The following TENM4 variants were observed in gnomAD, a reference collection of about 807,000 sequenced individuals.
TENM4 encodes the protein teneurin-4.
TENM4 carries 82 observed loss-of-function variants against 243.3 expected under a neutral mutation model. The observed-to-expected ratio is 0.34, with a 90% confidence interval of 0.28 to 0.40. TENM4 has a LOEUF of 0.40. Ranked by LOEUF, TENM4 falls within the 10% of genes least tolerant of loss-of-function variation. TENM4 has a pLI of 1.00. For missense variants in TENM4, 3,138 were observed against 3,673.3 expected (o/e 0.85, Z 3.77); for synonymous variants, 1,412 against 1,456.3 (o/e 0.97, Z 0.69).
intron 1 of TENM4, among the ~76,000 whole-genome samples, chr11:79,367,019 T>C (rs1442170584): frequency 1.3e-5 from 2 of 152,218 alleles, no homozygotes; most frequent in Non-Finnish European, 2.9e-5. Context: ...TTTACATATC[T>C]TGGGCAAAAA....
intron 1 of TENM4, among the ~76,000 whole-genome samples, chr11:79,424,892 C>G (rs901787865): frequency 6.6e-6 from 1 of 150,892 alleles, no homozygotes; most frequent in African/African-American, 2.4e-5. Flanking sequence ...CGAGATCACA[C>G]CACTGCACTC....
chr11:79,432,003 C>A (rs1859178937), intron 1 of TENM4, among the ~76,000 whole-genome samples: 1 of 152,156 alleles, frequency 6.6e-6, no homozygotes, highest in Admixed American at 6.5e-5. Context: ...AGCCACTAAC[C>A]ACATGTGGCT....
intron 2 of TENM4, among the ~76,000 whole-genome samples, chr11:79,260,560 T>C (rs1162195529): frequency 1.3e-5 from 2 of 152,230 alleles, no homozygotes; most frequent in African/African-American, 2.4e-5. Flanking sequence ...TAGGTCTGTC[T>C]GTTTTCTGAC....
At chr11:79,116,131 A>C (rs185339228) in intron 4 of TENM4, among the ~76,000 whole-genome samples, 1 of 152,374 alleles carries the variant, frequency 6.6e-6, no homozygotes, top group Non-Finnish European at 1.5e-5. Flanking sequence ...AAAATTGTCC[A>C]CATTGGTCTT....
intron 6 of TENM4, among the ~76,000 whole-genome samples, chr11:79,058,916 C>T (rs1565186176): frequency 6.6e-6 from 1 of 152,142 alleles, no homozygotes; most frequent in Non-Finnish European, 1.5e-5. Flanking sequence ...AGTTGGGTTG[C>T]TGCAGTATTT....
intron 6 of TENM4, among the ~76,000 whole-genome samples, chr11:78,913,820 A>G (rs779016531): frequency 6.6e-6 from 1 of 152,164 alleles, no homozygotes; most frequent in Non-Finnish European, 1.5e-5. Context: ...TCAGTACAGT[A>G]GAGGCTGATC....
intron 2 of TENM4, among the ~76,000 whole-genome samples, chr11:79,241,692 C>T (rs1855422418): frequency 6.6e-6 from 1 of 152,088 alleles, no homozygotes; most frequent in Admixed American, 6.6e-5. Flanking sequence ...GGGACAGAAT[C>T]AATGATGATG....
rs115666630 is a variant in TENM4, at chr11:78,722,015, G to A, written c.3800+653C>T. On this transcript the variant is annotated intron_variant, in intron 24 of 33. Transcript: ENST00000278550. The stretch of plus-strand genomic sequence containing the variant: ...CTCCATCACTCAGGGTCAGGATGGG[G>A]AAAGAGGCTGACTCAGCTGCTTCTG... Among the ~76,000 whole-genome samples the A allele has an allele frequency of 9.0e-3, 1,366 of 152,232 alleles. 12 individuals are homozygous for A. Among genetic ancestry groups the A allele is most frequent in the African/African-American group, 0.031 (1,269 of 41,536 alleles).
chr11:79,174,319 C>T (rs1011885983), intron 3 of TENM4, among the ~76,000 whole-genome samples: 3 of 152,008 alleles, frequency 2.0e-5, no homozygotes, highest in Non-Finnish European at 1.5e-5. Flanking sequence ...CTGACTCATA[C>T]CTCCCTATGT....
intron 1 of TENM4, among the ~76,000 whole-genome samples, chr11:79,320,222 T>C (rs147275996): frequency 6.6e-6 from 1 of 152,166 alleles, no homozygotes; most frequent in African/African-American, 2.4e-5. Flanking sequence ...GGTCACCCAC[T>C]TAACCAAGAT....
chr11:79,308,975 A>G lies in TENM4; in HGVS notation c.-320-11432T>C, dbSNP rs548613550. Among the ~76,000 whole-genome samples, 3 of 152,290 alleles carry G rather than the reference A, an allele frequency of 2.0e-5. No homozygotes were observed. The South Asian group carries it at 6.2e-4, about 32-fold the overall frequency. ...GCAAGTAATTATTATGCACTATCTG[A>G]TGAGAAACCAAAGGATATGAAGCTC... On this transcript the variant is annotated intron_variant, in intron 1 of 33. Coordinates refer to ENST00000278550, the MANE Select transcript of TENM4 (RefSeq NM_001098816.3).
chr11:78,875,323 C>A (rs1859242423), intron 9 of TENM4, among the ~76,000 whole-genome samples: 1 of 152,168 alleles, frequency 6.6e-6, no homozygotes, highest in Admixed American at 6.5e-5. Context: ...CTTGCTTCAG[C>A]CTCTCGAGTA....
At chr11:79,244,810 CAG>C (rs1208971070) in intron 2 of TENM4, among the ~76,000 whole-genome samples, 2 of 152,128 alleles carry the variant, frequency 1.3e-5, no homozygotes, top group Non-Finnish European at 2.9e-5. Context: ...GGAAAAGACT[CAG>C]GGCAAGGGGT....
At chr11:78,712,356 T>C (rs926774317) in intron 26 of TENM4, 126 bp downstream of exon 26, 6 of 772,454 alleles carry the variant, frequency 7.8e-6, no homozygotes, top group Non-Finnish European at 1.2e-5. Context: ...ATCACAGTTT[T>C]TACCATCCTC....
intron 3 of TENM4, among the ~76,000 whole-genome samples, chr11:79,181,921 C>G (rs1863288448): frequency 6.8e-6 from 1 of 146,562 alleles, no homozygotes; most frequent in South Asian, 2.2e-4. Context: ...ATGAGGAAAA[C>G]CAAAAAATTC....
chr11:79,291,612 A>C (rs999622542), intron 2 of TENM4, among the ~76,000 whole-genome samples: 7 of 152,150 alleles, frequency 4.6e-5, no homozygotes, highest in African/African-American at 1.7e-4. Context: ...GGCTCTGCAG[A>C]GCATGATTTA....
intron 1 of TENM4, among the ~76,000 whole-genome samples, chr11:79,391,413 C>A (rs1253422064): frequency 6.6e-6 from 1 of 151,770 alleles, no homozygotes; most frequent in Non-Finnish European, 1.5e-5. Flanking sequence ...TGGAACCAGG[C>A]TCCCCTAGGG....
rs576444330 is a variant in TENM4 at position 79,228,646 on chromosome 11, G to A, written c.-264-12737C>T. 2.1e-4 allele frequency among the ~76,000 whole-genome samples: 30 copies of A among 145,744 alleles called. 1 individual carries two copies. The South Asian group carries it at 5.2e-3, about 26-fold the overall frequency. ...AAAACAAAGAGTCCTTTCTGGAGACGAAAAAAAAAACAAGAAAATTTGGAG... is the reference window on the plus strand; with the variant it reads ...AAAACAAAGAGTCCTTTCTGGAGACAAAAAAAAAAACAAGAAAATTTGGAG... On this transcript the variant is annotated intron_variant, in intron 2 of 33. Transcript: ENST00000278550.
intron 2 of TENM4, among the ~76,000 whole-genome samples, chr11:79,233,623 G>A (rs1864409597): frequency 6.6e-6 from 1 of 152,134 alleles, no homozygotes; most frequent in Admixed American, 6.5e-5. Context: ...CCAGGTGTTA[G>A]TACTTCATAT....
Sources: gnomAD v4.1 joint callset for allele counts (sites outside exome capture counted in the v4.1 genomes callset) on GRCh38, gnomAD v4.1.1 for gene constraint, MANE v1.5 for transcripts, NCBI Gene and HGNC (gene_info 2026-07-23, HGNC 2026-07-21) for gene names.